The following STT3B variants were observed in gnomAD, a reference collection of about 807,000 sequenced individuals.
STT3B encodes dolichyl-diphosphooligosaccharide--protein glycosyltransferase subunit STT3B.
Under a neutral mutation model 96.8 loss-of-function variants are expected in STT3B, and 29 were observed. The observed-to-expected ratio is 0.30, with a 90% CI of 0.22 to 0.41. The LOEUF (loss-of-function observed/expected upper bound fraction) is 0.41, where lower values mean the gene tolerates loss of function less well. Among genes scored for constraint, STT3B ranks in the 10% least tolerant of loss-of-function variants. STT3B has a pLI of 1.00. For missense variants in STT3B, 640 were observed against 1,022.3 expected (o/e 0.63, Z 5.10); for synonymous variants, 367 against 360.0 (o/e 1.02, Z -0.22).
intron 3 of STT3B, among the ~76,000 whole-genome samples, chr3:31,587,079 AT>A (rs1178688621): frequency 2.0e-5 from 3 of 152,126 alleles, no homozygotes; most frequent in Admixed American, 2.0e-4. Context: ...GACTTGATCT[AT>A]TTTAAGCACC....
chr3:31,539,163 C>T (rs1399328667), intron 1 of STT3B, among the ~76,000 whole-genome samples: 1 of 152,032 alleles, frequency 6.6e-6, no homozygotes, highest in Non-Finnish European at 1.5e-5. Context: ...ATAATGTGTA[C>T]ATAAATTAGT....
intron 6 of STT3B, among the ~76,000 whole-genome samples, chr3:31,616,569 T>G (rs1699311335): frequency 6.6e-6 from 1 of 151,886 alleles, no homozygotes; most frequent in South Asian, 2.1e-4. Flanking sequence ...CGGAGAATTG[T>G]TTTTCAGTGA....
At chr3:31,555,061 A>G (rs188988335) in intron 1 of STT3B, among the ~76,000 whole-genome samples, 2 of 152,252 alleles carry the variant, frequency 1.3e-5, no homozygotes, top group East Asian at 3.9e-4. Flanking sequence ...CATTCCAGAC[A>G]TATAAGAATG....
intron 10 of STT3B, 43 bp downstream of exon 10, chr3:31,622,351 T>C (rs773579456): frequency 1.3e-6 from 2 of 1,510,336 alleles, no homozygotes; most frequent in Non-Finnish European, 1.8e-6. Context: ...CTATGTCCTT[T>C]CTTAATTTTT....
intron 3 of STT3B, among the ~76,000 whole-genome samples, chr3:31,583,143 A>G (rs1190711512): frequency 6.6e-6 from 1 of 152,150 alleles, no homozygotes; most frequent in African/African-American, 2.4e-5. Context: ...GTCACCAGCT[A>G]TTATTGTAGA....
At chr3:31,568,192 A>T (rs1253263698) in intron 1 of STT3B, among the ~76,000 whole-genome samples, 3 of 152,152 alleles carry the variant, frequency 2.0e-5, no homozygotes, top group Non-Finnish European at 2.9e-5. Context: ...ACTGAGTCTC[A>T]TTCTTTTCTT....
At chr3:31,534,024 T>G (rs567712959) in intron 1 of STT3B, among the ~76,000 whole-genome samples, 1 of 152,356 alleles carries the variant, frequency 6.6e-6, no homozygotes, top group African/African-American at 2.4e-5. Context: ...GTGGCTTTTT[T>G]TCAGAGCTCT....
At chr3:31,554,875 G>C (rs1033996196) in intron 1 of STT3B, among the ~76,000 whole-genome samples, 1 of 151,998 alleles carries the variant, frequency 6.6e-6, no homozygotes, top group Non-Finnish European at 1.5e-5. Context: ...AAGTCAACAA[G>C]AATTTATTCT....
At position 31,561,112 on chromosome 3, in the gene STT3B, A is replaced by C. The variant is rs527308059; in HGVS notation, c.315-15284A>C. 2.7e-3 allele frequency among the ~76,000 whole-genome samples: 414 copies of C among 151,922 alleles called. 2 individuals are homozygous for C. Among genetic ancestry groups the C allele is most frequent in the Middle Eastern group, 0.01 (3 of 294 alleles). On this transcript the variant is annotated intron_variant, in intron 1 of 15. Coordinates refer to ENST00000295770, the MANE Select transcript of STT3B (RefSeq NM_178862.3). ...TTTCTGTTTGGTTCTTTTTTATGAT[A>C]TCTACCTCTTGAGTAAATTTCTCAT...
At chr3:31,631,360 A>G (rs771227281) in intron 14 of STT3B, among the ~76,000 whole-genome samples, 1 of 152,232 alleles carries the variant, frequency 6.6e-6, no homozygotes, top group Non-Finnish European at 1.5e-5. Context: ...CTTGCTAAGA[A>G]AGAAGCACAC....
At chr3:31,599,743 T>C (rs1196884691) in intron 4 of STT3B, among the ~76,000 whole-genome samples, 1 of 152,202 alleles carries the variant, frequency 6.6e-6, no homozygotes, top group Non-Finnish European at 1.5e-5. Flanking sequence ...TATTCATTAA[T>C]GTAGACCAAG....
intron 2 of STT3B, among the ~76,000 whole-genome samples, chr3:31,578,894 C>T (rs148254599): frequency 2.0e-5 from 3 of 151,972 alleles, no homozygotes; most frequent in East Asian, 1.9e-4. Flanking sequence ...GAGTTAAAGA[C>T]GGGAGTGTGG....
rs574745060 is a variant in STT3B, at chr3:31,614,045, T to C, written c.878-1060T>C. Among the ~76,000 whole-genome samples, 19 of 152,080 alleles carry C rather than the reference T, an allele frequency of 1.2e-4. No homozygotes were observed. In the East Asian group the frequency reaches 2.3e-3, roughly 19 times the overall value. ...TGAGGCAACTTAATATTTGAACCAG[T>C]AGCCCCTAACTTCCTTCTCTAGATG... On this transcript the variant is annotated intron_variant, in intron 5 of 15. Coordinates refer to ENST00000295770, the MANE Select transcript of STT3B (RefSeq NM_178862.3).
intron 3 of STT3B, among the ~76,000 whole-genome samples, chr3:31,591,327 CTA>C (rs1293727487): frequency 6.6e-6 from 1 of 152,014 alleles, no homozygotes; most frequent in Non-Finnish European, 1.5e-5. Flanking sequence ...TAAAATCAAA[CTA>C]TTTGTATCTC....
At chr3:31,613,376 A>T (rs1699228101) in intron 5 of STT3B, among the ~76,000 whole-genome samples, 1 of 152,164 alleles carries the variant, frequency 6.6e-6, no homozygotes, top group South Asian at 2.1e-4. Flanking sequence ...AAGTGGACTT[A>T]GCTATAATAA....
At chr3:31,546,414 C>T (rs550046242) in intron 1 of STT3B, among the ~76,000 whole-genome samples, 102 of 152,250 alleles carry the variant, frequency 6.7e-4, no homozygotes, top group African/African-American at 2.3e-3. Flanking sequence ...GCTTTTGGCT[C>T]CTCCATGTGA....
At chr3:31,597,707 C>T (rs969662733) in intron 4 of STT3B, among the ~76,000 whole-genome samples, 14 of 152,166 alleles carry the variant, frequency 9.2e-5, no homozygotes, top group Non-Finnish European at 1.3e-4. Flanking sequence ...AATCCTCCTA[C>T]GTTAGCCTCC....
In STT3B at chr3:31,622,111, A is replaced by G. The variant is rs559861697; in HGVS notation, c.1342A>G (p.Ile448Val). 28 of 1,613,924 alleles carry G rather than the reference A, an allele frequency of 1.7e-5. No homozygotes were observed. The highest frequency in any genetic ancestry group is 1.3e-4 in the East Asian group (6 of 44,878). Residue 448 changes from isoleucine (I) to valine (V), a missense_variant, in exon 10 of 16, where the codon ATC becomes GTC. This residue lies in a region of STT3B where 33 missense variants were observed against 43.1 expected (regional missense o/e 0.77). Coordinates refer to ENST00000295770, the MANE Select transcript of STT3B (RefSeq NM_178862.3). ...DERVFVALYAISAVYFAGVMV... is the reference protein window; with the variant it reads ...DERVFVALYAVSAVYFAGVMV... ...TGTCTTTGCAGTTGCTCTATATGCA[A>G]TCAGTGCTGTCTACTTTGCTGGAGT...
Position 31,584,188 on chromosome 3 carries a change from G to T in STT3B, c.711+4092G>T, listed in dbSNP as rs989938522. ...TTAAAGAAAAATACTCTTTTTTGTT[G>T]AATGGTTTTAGCACTTTTGTCAAAA... On this transcript the variant is annotated intron_variant, in intron 3 of 15. Coordinates refer to ENST00000295770, the MANE Select transcript of STT3B (RefSeq NM_178862.3). Among the ~76,000 whole-genome samples, 14 of 152,154 alleles carry T rather than the reference G, an allele frequency of 9.2e-5. 1 individual carries two copies. In the South Asian group the frequency reaches 2.5e-3, roughly 27 times the overall value.
Sources: allele counts gnomAD v4.1 joint callset (sites outside exome capture counted in the v4.1 genomes callset), GRCh38; gene constraint gnomAD v4.1.1; regional missense constraint gnomAD v4.1.1; transcripts MANE v1.5; gene names NCBI Gene and HGNC (gene_info 2026-07-23, HGNC 2026-07-21).